Variants in AHCTF1 observed in about 807,000 individuals in gnomAD.
The protein encoded by AHCTF1 is AT-hook containing transcription factor 1, also known as protein ELYS.
Under a neutral mutation model 248.4 loss-of-function variants are expected in AHCTF1, and 24 were observed. That is an observed-to-expected ratio of 0.10 (90% CI 0.07 to 0.14). The LOEUF (loss-of-function observed/expected upper bound fraction) is 0.14, where lower values mean the gene tolerates loss of function less well. Ranked by LOEUF, AHCTF1 falls within the 10% of genes least tolerant of loss-of-function variation. The pLI is 1.00. For synonymous variants in AHCTF1, 786 were observed against 929.8 expected (o/e 0.85, Z 2.81); for missense variants, 2,206 against 2,636.2 (o/e 0.84, Z 3.57).
At position 246,840,461 on chromosome 1, in the gene AHCTF1, T is replaced by C. The variant is rs928650599; in HGVS notation, c.*345A>G. 6.5e-6 allele frequency: 1 copy of C among 154,836 alleles called. No individual in the cohort carries two copies. The highest frequency in any genetic ancestry group is 6.5e-5 in the Admixed American group (1 of 15,340). 9.6% of individuals were successfully genotyped at this position (154,836 alleles called of 1,614,324 possible). On this transcript the variant is annotated 3_prime_UTR_variant, in exon 36 of 36. Transcript: ENST00000648844. ...TAAGACTGGTCTAGTATTTTAATTA[T>C]AGAGAAAATGAGACCAATGAGCATA... is the stretch of plus-strand genomic sequence containing the variant.
At chr1:246,851,531 T>C in intron 32 of AHCTF1, 89 bp from the exon 33 acceptor site, 1 of 1,196,652 alleles carries the variant, frequency 8.4e-7, no homozygotes, top group Non-Finnish European at 1.1e-6. Flanking sequence ...CCCTTGGCTG[T>C]GTGCCTTTTA....
At chr1:246,919,480 G>A (rs1196308587) in intron 1 of AHCTF1, among the ~76,000 whole-genome samples, 1 of 151,674 alleles carries the variant, frequency 6.6e-6, no homozygotes, top group Non-Finnish European at 1.5e-5. Flanking sequence ...TTGGGAGGCT[G>A]AGGCAGGCGG....
intron 31 of AHCTF1, among the ~76,000 whole-genome samples, chr1:246,854,722 C>T (rs1660985164): frequency 6.6e-6 from 1 of 152,028 alleles, no homozygotes; most frequent in South Asian, 2.1e-4. Flanking sequence ...ATTAATATTC[C>T]CATTTAAAAC....
chr1:246,924,665 A>AT (rs1491422093), intron 1 of AHCTF1, among the ~76,000 whole-genome samples: 2 of 152,174 alleles, frequency 1.3e-5, no homozygotes, highest in Admixed American at 1.3e-4. Flanking sequence ...AAAAATTAAA[A>AT]TATATGAGTT....
At chr1:246,908,723 T>TAAA (rs35110822) in intron 4 of AHCTF1, among the ~76,000 whole-genome samples, 1 of 106,854 alleles carries the variant, frequency 9.4e-6, no homozygotes, top group African/African-American at 3.5e-5. Flanking sequence ...CAGTCTCTAC[T>TAAA]AAAAAAAAAA....
At chr1:246,849,220 T>C (rs1053693008) in intron 33 of AHCTF1, among the ~76,000 whole-genome samples, 2 of 152,204 alleles carry the variant, frequency 1.3e-5, no homozygotes, top group Non-Finnish European at 1.5e-5. Context: ...AAAAAGCTAC[T>C]GGTGTTTCCC....
chr1:246,923,929 G>A (rs1260733892), intron 1 of AHCTF1, among the ~76,000 whole-genome samples: 2 of 152,210 alleles, frequency 1.3e-5, no homozygotes, highest in Non-Finnish European at 1.5e-5. Context: ...CAGGACCTGA[G>A]AAGAGGGCCA....
intron 1 of AHCTF1, among the ~76,000 whole-genome samples, chr1:246,922,071 T>A (rs1025030312): frequency 1.3e-5 from 2 of 152,170 alleles, no homozygotes; most frequent in African/African-American, 2.4e-5. Context: ...GTTGAAAACA[T>A]ATACAGGGCT....
intron 29 of AHCTF1, among the ~76,000 whole-genome samples, chr1:246,860,231 G>A (rs1251744342): frequency 6.6e-6 from 1 of 151,962 alleles, no homozygotes; most frequent in African/African-American, 2.4e-5. Context: ...TCACGCCACT[G>A]CACTCCAGCC....
chr1:246,904,169 C>A, intron 6 of AHCTF1, 136 bp from the exon 7 acceptor site: 1 of 636,746 alleles, frequency 1.6e-6, no homozygotes, highest in South Asian at 2.1e-5. Flanking sequence ...ATTTAGTTTT[C>A]GGTAATTTTT....
At chr1:246,910,195 T>G (rs1665702844) in intron 4 of AHCTF1, among the ~76,000 whole-genome samples, 1 of 152,198 alleles carries the variant, frequency 6.6e-6, no homozygotes, top group Non-Finnish European at 1.5e-5. Context: ...AATTCCAAAA[T>G]GTGGAACATT....
rs1387911565 is a variant in AHCTF1, at chr1:246,875,930, TG to T, written c.3088+106del. On this transcript the variant is annotated intron_variant, in intron 24 of 35. Transcript: ENST00000648844. The stretch of plus-strand genomic sequence containing the variant: ...ACCAGCAATATCTCCAAGGCATGCC[TG>T]TATGTGTTAGCGAAAGTAGCTAAAT... 4.8e-6 allele frequency: 5 copies of T among 1,047,860 alleles called. No individual in the cohort carries two copies. In the African/African-American group the frequency reaches 8.0e-5, roughly 17 times the overall value. 64.9% of individuals were successfully genotyped at this position (1,047,860 alleles called of 1,614,324 possible).
rs1666158621 is a variant in AHCTF1, at chr1:246,916,513, A to C, written c.122-118T>G. 6 of 906,132 alleles carry C rather than the reference A, an allele frequency of 6.6e-6. No individual in the cohort carries two copies. The South Asian group carries it at 1.1e-4, about 16-fold the overall frequency. 56.1% of individuals were successfully genotyped at this position (906,132 alleles called of 1,614,324 possible). On this transcript the variant is annotated intron_variant, in intron 2 of 35. Transcript: ENST00000648844. ...ACATAAAACTTTACATATTATCTCC[A>C]CATTGAAATCTTTTAATCAAGCAAC...
At chr1:246,921,109 TAATAAA>T (rs1666518243) in intron 1 of AHCTF1, among the ~76,000 whole-genome samples, 1 of 151,554 alleles carries the variant, frequency 6.6e-6, no homozygotes, top group East Asian at 1.9e-4. Flanking sequence ...TAAATAATAA[TAATAAA>T]AATAAAAGCA....
In AHCTF1 at chr1:246,854,633, A is replaced by G. The variant is rs546997624; in HGVS notation, c.4354+1097T>C. ...TCATTTCTAACAGCTAACATTTACT[A>G]AACTTCAGGTACCAAGCGCTACACA... On this transcript the variant is annotated intron_variant, in intron 31 of 35. Coordinates refer to ENST00000648844, the MANE Select transcript of AHCTF1 (RefSeq NM_001323342.2). 9.8e-5 allele frequency among the ~76,000 whole-genome samples: 15 copies of G among 152,324 alleles called. No homozygotes were observed. In the South Asian group the frequency reaches 3.1e-3, roughly 32 times the overall value.
chr1:246,918,519 G>T, intron 1 of AHCTF1, 142 bp from the exon 2 acceptor site: 2 of 834,714 alleles, frequency 2.4e-6, no homozygotes, highest in South Asian at 5.0e-5. Context: ...ATATTGGCCA[G>T]ATGCGGAGGC....
chr1:246,900,463 G>A lies in AHCTF1; in HGVS notation c.1124C>T (p.Ser375Leu). 4 of 1,585,964 alleles carry A rather than the reference G, an allele frequency of 2.5e-6. No individual in the cohort carries two copies. The highest frequency in any genetic ancestry group is 1.2e-5 in the South Asian group (1 of 84,528). The change falls in exon 9 of 36, where the codon TCG becomes TTG. Residue 375 changes from serine (S) to leucine (L), a missense_variant. By Grantham distance (145) the Ser-to-Leu change is moderately radical. Coordinates refer to ENST00000648844, the MANE Select transcript of AHCTF1 (RefSeq NM_001323342.2). Reference protein sequence around the residue: ...DREEGVNEALSPDTSVSVFTW... With the variant: ...DREEGVNEALLPDTSVSVFTW... Reference sequence around the variant, plus strand: ...AAAGACTGAAACACTAGTGTCAGGCGATAGAGCTGGAAGAAAAAGATAATT... The same window carrying A: ...AAAGACTGAAACACTAGTGTCAGGCAATAGAGCTGGAAGAAAAAGATAATT...
chr1:246,882,629 C>T, intron 21 of AHCTF1, among the ~76,000 whole-genome samples: 1 of 152,150 alleles, frequency 6.6e-6, no homozygotes, highest in East Asian at 1.9e-4. Flanking sequence ...AATAAACCCA[C>T]CTAACAAAGA....
intron 4 of AHCTF1, among the ~76,000 whole-genome samples, chr1:246,912,938 C>T (rs1665909880): frequency 6.6e-6 from 1 of 152,112 alleles, no homozygotes; most frequent in African/African-American, 2.4e-5. Context: ...AAGAATAGAT[C>T]TTATTCAGGT....
Sources: gnomAD v4.1 joint callset for allele counts (sites outside exome capture counted in the v4.1 genomes callset) on GRCh38, gnomAD v4.1.1 for gene constraint, MANE v1.5 for transcripts, NCBI Gene and HGNC (gene_info 2026-07-23, HGNC 2026-07-21) for gene names.